TRIO: variants seen among roughly 807,000 people sequenced by gnomAD.
TRIO encodes the protein triple functional domain protein.
A neutral mutation model predicts 351.9 loss-of-function variants in TRIO; 58 were observed. The ratio of observed to expected loss-of-function variants is 0.16; its 90% CI spans 0.13 to 0.21. The LOEUF (loss-of-function observed/expected upper bound fraction) is 0.21, where lower values mean the gene tolerates loss of function less well. TRIO is among the 10% of genes least tolerant of loss of function. The probability of loss-of-function intolerance (pLI) is 1.00; values close to 1 mark genes in which losing one functional copy is unlikely to be tolerated. For missense variants in TRIO, 3,201 were observed against 4,027.8 expected, an observed-to-expected ratio of 0.79 and a Z score of 5.56; for synonymous variants, 1,758 against 1,595.7, an observed-to-expected ratio of 1.10 and a Z score of -2.42.
chr5:14,482,551 CT>C, intron 45 of TRIO, 30 bp from the exon 46 acceptor site: 1 of 1,407,142 alleles, frequency 7.1e-7, no homozygotes. Context: ...TTCTTCTCCC[CT>C]TCCTTTTCCC....
intron 11 of TRIO, among the ~76,000 whole-genome samples, chr5:14,356,516 C>T (rs906909974): frequency 6.6e-6 from 1 of 152,192 alleles, no homozygotes; most frequent in Non-Finnish European, 1.5e-5. Context: ...AACTCTCATA[C>T]GCTGCTGGTG....
At chr5:14,422,568 A>G (rs1750263267) in intron 34 of TRIO, among the ~76,000 whole-genome samples, 2 of 152,242 alleles carry the variant, frequency 1.3e-5, no homozygotes, top group African/African-American at 4.8e-5. Flanking sequence ...AGAAGGGTCC[A>G]GGATCATGAT....
rs574840229 is a variant in TRIO at position 14,394,058 on chromosome 5, A to T, written c.4239A>T (p.Gly1413=). 6 of 1,613,264 alleles carry T rather than the reference A, an allele frequency of 3.7e-6. No homozygotes were observed. In the South Asian group the frequency reaches 6.6e-5, roughly 18 times the overall value. The change falls in exon 28 of 57, where the codon GGA becomes GGT. Residue 1413 remains glycine, a synonymous_variant. Coordinates refer to ENST00000344204, the MANE Select transcript of TRIO (RefSeq NM_007118.4). The part of the protein sequence containing the change: ...SYFDEIQQRH[G]LANSISSYLI... ...TACAGGAGATACAGCAGCGACATGG[A>T]TTAGCCAATTCCATTTCTTCCTACC...
chr5:14,474,650 GT>G (rs1754917787), intron 40 of TRIO, among the ~76,000 whole-genome samples: 1 of 152,100 alleles, frequency 6.6e-6, no homozygotes, highest in South Asian at 2.1e-4. Context: ...ACACTCATTT[GT>G]CCAATTATTT....
rs192287232 is a variant in TRIO at position 14,285,128 on chromosome 5, C to G, written c.348-1743C>G. Among the ~76,000 whole-genome samples, 2 of 152,072 alleles carry G rather than the reference C, an allele frequency of 1.3e-5. 1 individual carries two copies. Among genetic ancestry groups the G allele is most frequent in the South Asian group, 4.2e-4 (2 of 4,816 alleles). ...TCAGAAAACAGGTGATGTTTCTGCC[C>G]GTGATGTTACCCGGATTGTAACCCA... On this transcript the variant is annotated intron_variant, in intron 3 of 56. Coordinates refer to ENST00000344204, the MANE Select transcript of TRIO (RefSeq NM_007118.4).
chr5:14,207,561 G>A (rs1419004072), intron 1 of TRIO, among the ~76,000 whole-genome samples: 1 of 112,990 alleles, frequency 8.9e-6, no homozygotes, highest in Non-Finnish European at 1.9e-5. Flanking sequence ...CACACACGGA[G>A]CCAGGTGTGG....
chr5:14,371,007 G>T (rs1157121988), intron 18 of TRIO, among the ~76,000 whole-genome samples: 1 of 152,206 alleles, frequency 6.6e-6, no homozygotes, highest in African/African-American at 2.4e-5. Flanking sequence ...GCTGTGCATT[G>T]AGTAGAACCT....
chr5:14,499,754 GA>G (rs1428753455), intron 53 of TRIO, among the ~76,000 whole-genome samples: 2 of 151,842 alleles, frequency 1.3e-5, no homozygotes, highest in South Asian at 4.2e-4. Context: ...AAGGACTTTA[GA>G]AAGGTATACT....
chr5:14,483,961 C>T (rs1157873661), intron 46 of TRIO, among the ~76,000 whole-genome samples: 3 of 151,964 alleles, frequency 2.0e-5, no homozygotes, highest in South Asian at 2.1e-4. Flanking sequence ...TACGCTGAGC[C>T]GCACCCATCC....
Position 14,497,160 on chromosome 5 carries a change from G to T in TRIO, c.8019+143G>T. 1 of 1,277,168 alleles carries T rather than the reference G, an allele frequency of 7.8e-7. No individual in the cohort carries two copies. 79.1% of individuals were successfully genotyped at this position (1,277,168 alleles called of 1,614,324 possible). ...AGCCCCGTGCCCTGCGTGTCCTGTA[G>T]GGTCTTGTTAGGGGCACTATGCTGG... On this transcript the variant is annotated intron_variant, in intron 50 of 56. Coordinates refer to ENST00000344204, the MANE Select transcript of TRIO (RefSeq NM_007118.4). This position sits in a 1 kb window ranked among gnomAD's most constrained non-coding sequence, Gnocchi z 4.4.
intron 1 of TRIO, among the ~76,000 whole-genome samples, chr5:14,258,198 G>C (rs1438047319): frequency 1.3e-5 from 2 of 152,206 alleles, no homozygotes; most frequent in East Asian, 3.9e-4. Flanking sequence ...TCCCCACAGC[G>C]AGCGTGCTCC....
At chr5:14,269,098 G>C (rs1209553184) in intron 1 of TRIO, among the ~76,000 whole-genome samples, 1 of 152,210 alleles carries the variant, frequency 6.6e-6, no homozygotes, top group African/African-American at 2.4e-5. Flanking sequence ...GGAGGCCCCA[G>C]CTCGGTCAAA....
At chr5:14,256,612 C>G (rs1795035581) in intron 1 of TRIO, among the ~76,000 whole-genome samples, 1 of 152,186 alleles carries the variant, frequency 6.6e-6, no homozygotes, top group Non-Finnish European at 1.5e-5. Flanking sequence ...GACTATTTTG[C>G]TGAGACTTTC....
At chr5:14,181,793 A>G (rs530934674) in intron 1 of TRIO, among the ~76,000 whole-genome samples, 61 of 152,272 alleles carry the variant, frequency 4.0e-4, no homozygotes, top group African/African-American at 1.4e-3. Context: ...AAGAAGAGAA[A>G]GTCTGAAGAC....
intron 1 of TRIO, among the ~76,000 whole-genome samples, chr5:14,178,891 C>T (rs957761251): frequency 1.2e-4 from 19 of 152,192 alleles, no homozygotes; most frequent in Admixed American, 9.8e-4. Context: ...AGCCTCCTCC[C>T]CATAGCCTGG....
At chr5:14,413,071 C>T (rs911902411) in intron 33 of TRIO, among the ~76,000 whole-genome samples, 10 of 152,358 alleles carry the variant, frequency 6.6e-5, no homozygotes, top group South Asian at 2.1e-4. Flanking sequence ...CTGCCTCACT[C>T]GGGCTATTGG....
At chr5:14,425,136 T>C (rs935637745) in intron 34 of TRIO, among the ~76,000 whole-genome samples, 5 of 152,240 alleles carry the variant, frequency 3.3e-5, no homozygotes, top group Non-Finnish European at 7.3e-5. Flanking sequence ...TACCTTCACA[T>C]TGTTATGCAG....
chr5:14,386,270 G>A (rs1746531488), intron 21 of TRIO, among the ~76,000 whole-genome samples: 1 of 152,156 alleles, frequency 6.6e-6, no homozygotes, highest in African/African-American at 2.4e-5. Context: ...CAAGGAGGGT[G>A]CTGGCCTGGA....
At position 14,286,393 on chromosome 5, in the gene TRIO, C is replaced by T. The variant is rs1581530234; in HGVS notation, c.348-478C>T. On this transcript the variant is annotated intron_variant, in intron 3 of 56. Transcript: ENST00000344204. This position sits in a 1 kb window ranked among gnomAD's most constrained non-coding sequence, Gnocchi z 4.4. ...AGCCATGCTAGTGGGGGGTCATTTT[C>T]AGCACCTGGGGTGCTGGGAGTCCTG... Among the ~76,000 whole-genome samples, 1 of 152,206 alleles carries T rather than the reference C, an allele frequency of 6.6e-6. No individual in the cohort carries two copies. Among genetic ancestry groups the T allele is most frequent in the Middle Eastern group, 3.4e-3 (1 of 294 alleles).
Sources: allele counts gnomAD v4.1 joint callset (sites outside exome capture counted in the v4.1 genomes callset), GRCh38; gene constraint gnomAD v4.1.1; non-coding constraint Gnocchi (gnomAD v3.1); transcripts MANE v1.5; gene names NCBI Gene and HGNC (gene_info 2026-07-23, HGNC 2026-07-21).